The following DLG2 variants were observed in gnomAD, a reference collection of about 807,000 sequenced individuals.
DLG2 encodes disks large homolog 2.
A neutral mutation model predicts 132.5 loss-of-function variants in DLG2; 45 were observed. That is an observed-to-expected ratio of 0.34 (90% CI 0.27 to 0.44). The LOEUF is 0.44. DLG2 is among the 20% of genes least tolerant of loss of function. The pLI is 1.00. For synonymous variants in DLG2, 424 were observed against 419.6 expected, an observed-to-expected ratio of 1.01 and a Z score of -0.13; for missense variants, 1,045 against 1,196.9, an observed-to-expected ratio of 0.87 and a Z score of 1.87.
intron 6 of DLG2, among the ~76,000 whole-genome samples, chr11:85,044,692 C>T (rs1250862445): frequency 6.6e-6 from 1 of 151,950 alleles, no homozygotes; most frequent in Non-Finnish European, 1.5e-5. Flanking sequence ...CCTATATGAA[C>T]CAGGGATTTG....
At chr11:85,056,110 A>C (rs1159292180) in intron 6 of DLG2, among the ~76,000 whole-genome samples, 1 of 152,148 alleles carries the variant, frequency 6.6e-6, no homozygotes, top group Non-Finnish European at 1.5e-5. Context: ...AAGAAATAAT[A>C]AAAGAAAAAA....
rs1219576947 is a variant in DLG2 at position 85,206,425 on chromosome 11, G to A, written c.187-51774C>T. 4.6e-5 allele frequency among the ~76,000 whole-genome samples: 7 copies of A among 152,146 alleles called. No homozygotes were observed. The South Asian group carries it at 1.0e-3, about 22-fold the overall frequency. On this transcript the variant is annotated intron_variant, in intron 4 of 27. Transcript: ENST00000376104. ...GCTCTGCCCCTTCAAAGCATGTGAC[G>A]TTGAGGAAGTCATTTATCCACTTGA...
chr11:84,940,260 C>G (rs960571749), intron 6 of DLG2, among the ~76,000 whole-genome samples: 3 of 152,208 alleles, frequency 2.0e-5, no homozygotes, highest in Non-Finnish European at 4.4e-5. Flanking sequence ...AAACGATTCT[C>G]CTGCCTCAGC....
At chr11:84,132,136 T>C (rs1393639528) in intron 9 of DLG2, among the ~76,000 whole-genome samples, 1 of 152,046 alleles carries the variant, frequency 6.6e-6, no homozygotes, top group Non-Finnish European at 1.5e-5. Flanking sequence ...AAGCAGGGCA[T>C]GACCTGTTTT....
At chr11:83,587,408 C>G (rs1434464231) in intron 19 of DLG2, among the ~76,000 whole-genome samples, 1 of 151,974 alleles carries the variant, frequency 6.6e-6, no homozygotes, top group Non-Finnish European at 1.5e-5. Context: ...TAGCTGGGAC[C>G]ACAGGTGCAT....
intron 18 of DLG2, among the ~76,000 whole-genome samples, chr11:83,780,812 G>A (rs1400908011): frequency 6.6e-6 from 1 of 152,136 alleles, no homozygotes; most frequent in African/African-American, 2.4e-5. Flanking sequence ...ACCAATCATT[G>A]GGTGACACAT....
chr11:83,932,812 T>C (rs1160878393), intron 14 of DLG2, among the ~76,000 whole-genome samples: 1 of 152,170 alleles, frequency 6.6e-6, no homozygotes, highest in Non-Finnish European at 1.5e-5. Flanking sequence ...TTATAAATTC[T>C]CACAGGTTAT....
At chr11:85,488,248 G>C (rs1019859508) in intron 3 of DLG2, among the ~76,000 whole-genome samples, 2 of 152,068 alleles carry the variant, frequency 1.3e-5, no homozygotes, top group Non-Finnish European at 2.9e-5. Context: ...AATTAGCTGG[G>C]TGTAGTGTGA....
chr11:83,790,802 C>T, intron 17 of DLG2: 1 of 754,296 alleles, frequency 1.3e-6, no homozygotes, highest in Non-Finnish European at 2.5e-6. Flanking sequence ...GGAAAGAGCG[C>T]CCTCCCACTT....
At chr11:84,586,619 T>C (rs530693122) in intron 6 of DLG2, among the ~76,000 whole-genome samples, 1 of 152,146 alleles carries the variant, frequency 6.6e-6, no homozygotes, top group Non-Finnish European at 1.5e-5. Flanking sequence ...GTATGAATAT[T>C]GTTATATTTG....
chr11:84,989,593 T>G lies in DLG2; in HGVS notation c.357+122068A>C, dbSNP rs1422701719. Among the ~76,000 whole-genome samples, 4 of 152,320 alleles carry G rather than the reference T, an allele frequency of 2.6e-5. No homozygotes were observed. In the East Asian group the frequency reaches 7.7e-4, roughly 29 times the overall value. On this transcript the variant is annotated intron_variant, in intron 6 of 27. Transcript: ENST00000376104. ...TTACTATCAAAATCTCAGCAAGACT[T>G]TTTGGCTTTGTGGATACAGACAAGG...
chr11:83,474,518 G>A (rs937781185), intron 22 of DLG2, among the ~76,000 whole-genome samples: 4 of 152,120 alleles, frequency 2.6e-5, no homozygotes, highest in Admixed American at 6.5e-5. Context: ...CAATTAATGT[G>A]CAAGGGAAGA....
chr11:84,058,504 T>TAATA (rs372631929), intron 11 of DLG2, among the ~76,000 whole-genome samples: 1 of 122,980 alleles, frequency 8.1e-6, no homozygotes, highest in South Asian at 2.4e-4. Flanking sequence ...AAAAAACAAA[T>TAATA]ACAATAATAA....
chr11:84,741,258 G>T (rs1365004721), intron 6 of DLG2, among the ~76,000 whole-genome samples: 5 of 151,564 alleles, frequency 3.3e-5, no homozygotes, highest in Admixed American at 6.6e-5. Flanking sequence ...AGTAGAGACG[G>T]GGTTTCACCG....
chr11:85,166,788 T>G lies in DLG2; in HGVS notation c.187-12137A>C, dbSNP rs139293466. Reference sequence around the variant, plus strand: ...TTAACAAAGTGAATGCCCATAGATATTAAGTTGTTTAATTATGCAGTGTTT... The same window carrying G: ...TTAACAAAGTGAATGCCCATAGATAGTAAGTTGTTTAATTATGCAGTGTTT... On this transcript the variant is annotated intron_variant, in intron 4 of 27. Coordinates refer to ENST00000376104, the MANE Select transcript of DLG2 (RefSeq NM_001142699.3). Among the ~76,000 whole-genome samples, 817 of 152,318 alleles carry G rather than the reference T, an allele frequency of 5.4e-3. 13 individuals carry two copies. Among genetic ancestry groups the G allele is most frequent in the African/African-American group, 0.019 (774 of 41,586 alleles).
At chr11:84,706,440 A>G (rs1223688324) in intron 6 of DLG2, among the ~76,000 whole-genome samples, 2 of 151,782 alleles carry the variant, frequency 1.3e-5, no homozygotes, top group Non-Finnish European at 2.9e-5. Flanking sequence ...GATCTCATTA[A>G]TATTTTCTGA....
At chr11:83,831,174 C>T (rs1183281430) in intron 17 of DLG2, among the ~76,000 whole-genome samples, 2 of 152,082 alleles carry the variant, frequency 1.3e-5, no homozygotes, top group Non-Finnish European at 2.9e-5. Context: ...GACCGTACCA[C>T]CTAGTACAGA....
At chr11:83,996,018 A>T (rs937030907) in intron 11 of DLG2, among the ~76,000 whole-genome samples, 21 of 152,196 alleles carry the variant, frequency 1.4e-4, no homozygotes, top group African/African-American at 4.6e-4. Flanking sequence ...AAAGGAAACA[A>T]TCAACAAAGT....
At position 84,590,215 on chromosome 11, in the gene DLG2, G is replaced by C. The variant is rs562275361; in HGVS notation, c.358-55484C>G. Among the ~76,000 whole-genome samples, 173 of 152,216 alleles carry C rather than the reference G, an allele frequency of 1.1e-3. 1 individual carries two copies. The highest frequency in any genetic ancestry group is 4.0e-3 in the African/African-American group (165 of 41,522). ...AGTGTGTAATGAACAGTGTCCAAAT[G>C]GGATCAGCTCCTGAATTACCATTTA... On this transcript the variant is annotated intron_variant, in intron 6 of 27. Transcript: ENST00000376104.
Sources: allele counts gnomAD v4.1 joint callset (sites outside exome capture counted in the v4.1 genomes callset), GRCh38; gene constraint gnomAD v4.1.1; transcripts MANE v1.5; gene names NCBI Gene and HGNC (gene_info 2026-07-23, HGNC 2026-07-21).